Variants in MYO15A observed in about 807,000 individuals in gnomAD.
MYO15A encodes myosin XVA.
In MYO15A, 308 loss-of-function variants were observed where a neutral mutation model predicts 394.6. The observed-to-expected ratio is 0.78, with a 90% CI of 0.71 to 0.86. The LOEUF (loss-of-function observed/expected upper bound fraction) is 0.86. Ranked by LOEUF, MYO15A falls within the 40% of genes least tolerant of loss-of-function variation. MYO15A has a pLI of 0.00. For synonymous variants in MYO15A, 1,957 were observed against 2,003.8 expected, an observed-to-expected ratio of 0.98 and a Z score of 0.62; for missense variants, 4,606 against 4,799.1, an observed-to-expected ratio of 0.96 and a Z score of 1.19.
chr17:18,131,272 G>A lies in MYO15A; in HGVS notation c.4072G>A (p.Gly1358Ser), dbSNP rs1291982378. Reference protein sequence around the residue: ...LEATPLLESFGNAKTVRNDNS... With the variant: ...LEATPLLESFSNAKTVRNDNS... ...GGCAACACCCCTCTTGGAGTCCTTC[G>A]GTAATGCCAAAACCGTCAGGAACGA... Residue 1358 changes from glycine to serine, a missense_variant, in exon 9 of 66, where the codon GGT becomes AGT. Physicochemically the swap from Gly to Ser is moderately conservative, Grantham distance 56. Coordinates refer to ENST00000647165, the MANE Select transcript of MYO15A (RefSeq NM_016239.4). The A allele has an allele frequency of 1.5e-5, 25 of 1,614,000 alleles. No homozygotes were observed. The highest frequency in any genetic ancestry group is 3.3e-5 in the Admixed American group (2 of 60,012).
Position 18,167,611 on chromosome 17 carries a change from G to T in MYO15A, c.9970G>T (p.Gly3324Ter). The change falls in exon 62 of 66, where the codon GGA (glycine) becomes TGA (stop). Residue 3324 changes from glycine (G) to a stop codon, truncating the protein, a stop_gained. Coordinates refer to ENST00000647165, the MANE Select transcript of MYO15A (RefSeq NM_016239.4). LOFTEE classifies it high-confidence loss of function. ...YNQVLPDYLKGLFSSVPASRP... is the reference protein window; with the variant it reads ...YNQVLPDYLK ...GCAGGTCCTGCCTGACTACCTGAAG[G>T]GACTCTTCAGCAGTGTGCCGGCCAG... The T allele has an allele frequency of 6.2e-7, 1 of 1,603,192 alleles. No individual in the cohort carries two copies.
chr17:18,129,242 T>G (rs1222610947), intron 7 of MYO15A, among the ~76,000 whole-genome samples: 1 of 152,224 alleles, frequency 6.6e-6, no homozygotes, highest in Non-Finnish European at 1.5e-5. Flanking sequence ...CCTGACTGGC[T>G]AAGGCCTGGA....
intron 60 of MYO15A, among the ~76,000 whole-genome samples, chr17:18,165,406 C>G (rs776657265): frequency 1.3e-5 from 2 of 152,198 alleles, no homozygotes; most frequent in Non-Finnish European, 2.9e-5. Flanking sequence ...AGAGGCTGCC[C>G]GCATTCCTTG....
At chr17:18,140,430 C>G in intron 19 of MYO15A, 87 bp from the exon 20 acceptor site, 1 of 1,575,010 alleles carries the variant, frequency 6.3e-7, no homozygotes, top group Non-Finnish European at 8.7e-7. Context: ...CCCCCTGGTC[C>G]GGAGATTTAC....
At chr17:18,158,225 T>C (rs919414359) in intron 51 of MYO15A, 2 of 580,944 alleles carry the variant, frequency 3.4e-6, no homozygotes, top group Non-Finnish European at 6.1e-6. Flanking sequence ...GCCAGGTGAG[T>C]GGGCGGCTTG....
chr17:18,138,679 GC>G (rs2046323782), intron 17 of MYO15A, 131 bp from the exon 18 acceptor site: 1 of 1,284,740 alleles, frequency 7.8e-7, no homozygotes, highest in African/African-American at 1.5e-5. Flanking sequence ...GAGATGGGCA[GC>G]CATGGGAAGC....
At chr17:18,136,753 G>A (rs767360248) in intron 15 of MYO15A, 67 bp downstream of exon 15, 66 of 1,527,904 alleles carry the variant, frequency 4.3e-5, no homozygotes, top group African/African-American at 1.9e-4. Context: ...CAGGCGTCTC[G>A]GGCTGCCCTT....
At chr17:18,178,744 C>T (rs774238584) in intron 65 of MYO15A, 25 bp from the exon 66 acceptor site, 21 of 1,607,032 alleles carry the variant, frequency 1.3e-5, no homozygotes, top group African/African-American at 4.0e-5. Context: ...GTTGGATGGG[C>T]GTGGACTGTC....
intron 42 of MYO15A, among the ~76,000 whole-genome samples, chr17:18,152,881 C>T (rs1047608809): frequency 6.6e-6 from 1 of 152,204 alleles, no homozygotes; most frequent in African/African-American, 2.4e-5. Flanking sequence ...CCTCTGTCAC[C>T]TCGGCAAGGT....
At chr17:18,156,070 C>A (rs1213246241) in intron 47 of MYO15A, 125 bp from the exon 48 acceptor site, 4 of 1,457,942 alleles carry the variant, frequency 2.7e-6, no homozygotes, top group African/African-American at 1.4e-5. Context: ...TCTGTGGGAG[C>A]TGGCACAATG....
rs576311387 is a variant in MYO15A, at chr17:18,137,520, G to A, written c.4780-64G>A. On this transcript the variant is annotated intron_variant, in intron 15 of 65. Transcript: ENST00000647165. ...GCTTTTTGAAGTTGCCACCAGGGAA[G>A]GTAGGGGCAAACAGGCTGGTGGCCA... 87 of 1,483,198 alleles carry A rather than the reference G, an allele frequency of 5.9e-5. 2 individuals are homozygous for A. In the South Asian group the frequency reaches 8.9e-4, roughly 15 times the overall value. The allele number at this position is 1,483,198 out of a possible 1,614,324, so 91.9% of individuals were successfully genotyped here. A position where few individuals can be genotyped will look rare whatever the true frequency, so the allele number is the denominator to read the frequency against.
chr17:18,126,481 T>C (rs754018878), intron 5 of MYO15A, 25 bp downstream of exon 5: 4 of 1,593,886 alleles, frequency 2.5e-6, no homozygotes, highest in Non-Finnish European at 3.4e-6. Flanking sequence ...GGCGCTGCCC[T>C]GGGGTCTCTT....
At chr17:18,176,157 A>G (rs1432507820) in intron 65 of MYO15A, among the ~76,000 whole-genome samples, 1 of 152,092 alleles carries the variant, frequency 6.6e-6, no homozygotes, top group Non-Finnish European at 1.5e-5. Context: ...GTCTCCTTAT[A>G]TTAGTCTGTT....
intron 7 of MYO15A, among the ~76,000 whole-genome samples, chr17:18,128,245 G>A (rs2046089126): frequency 6.6e-6 from 1 of 151,466 alleles, no homozygotes; most frequent in South Asian, 2.1e-4. Context: ...GAGAAGAGGT[G>A]TCTGCTAGGC....
At position 18,121,763 on chromosome 17, in the gene MYO15A, T is replaced by C; in HGVS notation, c.2963T>C (p.Val988Ala). 23 of 1,607,086 alleles carry C rather than the reference T, an allele frequency of 1.4e-5. No individual in the cohort carries two copies. Among genetic ancestry groups the C allele is most frequent in the Non-Finnish European group, 2.0e-5 (23 of 1,176,652 alleles). ...GATCCAGCTGCTGATATGACCAGGGTCTTCCTGGGCAGACACCATGAGCCG... is the reference window on the plus strand; with the variant it reads ...GATCCAGCTGCTGATATGACCAGGGCCTTCCTGGGCAGACACCATGAGCCG... Reference protein sequence around the residue: ...PEDPAADMTRVFLGRHHEPGP... With the variant: ...PEDPAADMTRAFLGRHHEPGP... The change falls in exon 2 of 66, where the codon GTC (valine) becomes GCC (alanine). Residue 988 changes from valine to alanine, a missense_variant. By Grantham distance (64) the Val-to-Ala change is moderately conservative. Coordinates refer to ENST00000647165, the MANE Select transcript of MYO15A (RefSeq NM_016239.4). This position sits in a 1 kb window ranked among gnomAD's most constrained non-coding sequence, Gnocchi z 5.3.
Position 18,119,558 on chromosome 17 carries a change from G to T in MYO15A, c.758G>T (p.Arg253Leu). ...DDYYDRQSLH[R>L]YEEQEPYLAG... ...TACTACGACCGGCAGTCACTCCACC[G>T]CTACGAGGAGCAGGAACCCTACCTG... Residue 253 changes from arginine to leucine, a missense_variant, in exon 2 of 66, where the codon CGC becomes CTC. Around this residue, in one of 2 missense-constraint regions of MYO15A, gnomAD observed 1,830 missense variants for 1,689.7 expected, o/e 1.08. Transcript: ENST00000647165. 1 of 1,607,044 alleles carries T rather than the reference G, an allele frequency of 6.2e-7. No individual in the cohort carries two copies.
At chr17:18,156,917 AG>A in intron 48 of MYO15A, 36 bp from the exon 49 acceptor site, 1 of 1,570,770 alleles carries the variant, frequency 6.4e-7, no homozygotes, top group Non-Finnish European at 8.8e-7. Flanking sequence ...GTGGGGTGAT[AG>A]GGCTGTTGCC....
At chr17:18,130,249 C>T (rs563400538) in intron 7 of MYO15A, among the ~76,000 whole-genome samples, 12 of 151,750 alleles carry the variant, frequency 7.9e-5, no homozygotes, top group East Asian at 5.8e-4. Flanking sequence ...TCTGTGTAGA[C>T]GCTGGGGACT....
At chr17:18,136,734 C>T (rs766043898) in intron 15 of MYO15A, 48 bp downstream of exon 15, 12 of 1,546,250 alleles carry the variant, frequency 7.8e-6, no homozygotes, top group African/African-American at 1.4e-5. Flanking sequence ...GGCAAGGTCT[C>T]GCCTCCCTCA....
Sources: gnomAD v4.1 joint callset for allele counts (sites outside exome capture counted in the v4.1 genomes callset) on GRCh38, gnomAD v4.1.1 for gene constraint, gnomAD v4.1.1 regional missense constraint, Gnocchi (gnomAD v3.1) non-coding constraint, MANE v1.5 for transcripts, NCBI Gene and HGNC (gene_info 2026-07-23, HGNC 2026-07-21) for gene names.